The following METTL15 variants were observed in gnomAD, a reference collection of about 807,000 sequenced individuals.
METTL15 encodes 12S rRNA N(4)-cytidine methyltransferase METTL15.
In METTL15, 34 loss-of-function variants were observed where a neutral mutation model predicts 38.3. The ratio of observed to expected loss-of-function variants is 0.89; its 90% CI spans 0.68 to 1.18. The LOEUF is 1.18. METTL15 is among the 50% of genes most tolerant of loss of function. METTL15 has a pLI of 0.00. For missense variants in METTL15, 438 were observed against 498.4 expected, an observed-to-expected ratio of 0.88 and a Z score of 1.15; for synonymous variants, 162 against 170.9, an observed-to-expected ratio of 0.95 and a Z score of 0.41.
intron 5 of METTL15, among the ~76,000 whole-genome samples, chr11:28,391,547 C>T (rs1386139094): frequency 1.3e-5 from 2 of 152,242 alleles, no homozygotes; most frequent in Middle Eastern, 6.8e-3. Context: ...AGGCATCACG[C>T]TACCTGACTT....
At chr11:28,525,957 G>A (rs936346586) in intron 6 of METTL15, among the ~76,000 whole-genome samples, 31 of 152,224 alleles carry the variant, frequency 2.0e-4, no homozygotes, top group African/African-American at 7.2e-4. Flanking sequence ...AGGGGAGGCA[G>A]CTAAGGCCCG....
At chr11:28,173,610 A>G (rs879348093) in intron 3 of METTL15, among the ~76,000 whole-genome samples, 7 of 152,208 alleles carry the variant, frequency 4.6e-5, no homozygotes, top group Non-Finnish European at 7.3e-5. Context: ...ATTTGTTATA[A>G]TTATTGAACT....
At chr11:28,529,868 A>G (rs991391819), downstream of METTL15, among the ~76,000 whole-genome samples, 1 of 152,146 alleles carries the variant, frequency 6.6e-6, no homozygotes, top group African/African-American at 2.4e-5. Context: ...TTATGTTTCA[A>G]ATGTCCTCAT....
chr11:28,386,415 C>G (rs1850441373), intron 5 of METTL15, among the ~76,000 whole-genome samples: 1 of 151,574 alleles, frequency 6.6e-6, no homozygotes, highest in Non-Finnish European at 1.5e-5. Flanking sequence ...TAAAAGAGAA[C>G]AGGGTTGATC....
chr11:28,430,285 GC>G (rs1354954958), intron 6 of METTL15, among the ~76,000 whole-genome samples: 6 of 135,072 alleles, frequency 4.4e-5, no homozygotes, highest in African/African-American at 5.4e-5. Flanking sequence ...TGGGGGGTCA[GC>G]CCCCCCGCCC....
chr11:28,241,268 T>C (rs1265440256), intron 4 of METTL15, among the ~76,000 whole-genome samples: 1 of 152,128 alleles, frequency 6.6e-6, no homozygotes, highest in Admixed American at 6.5e-5. Flanking sequence ...GTGCAGTGGC[T>C]CATGACTGTA....
chr11:28,339,810 T>C (rs1849934230), intron 3 of METTL15, among the ~76,000 whole-genome samples: 1 of 152,060 alleles, frequency 6.6e-6, no homozygotes, highest in Admixed American at 6.6e-5. Flanking sequence ...AAAGAGGCAT[T>C]CTCAAGGAAT....
intron 3 of METTL15, among the ~76,000 whole-genome samples, chr11:28,194,355 T>C (rs1851830191): frequency 6.6e-6 from 1 of 151,664 alleles, no homozygotes; most frequent in Admixed American, 6.6e-5. Context: ...TCTGCCACCA[T>C]GTCTGGCTAA....
intron 3 of METTL15, among the ~76,000 whole-genome samples, chr11:28,175,617 A>G (rs180750499): frequency 2.0e-5 from 3 of 152,286 alleles, no homozygotes; most frequent in Admixed American, 2.0e-4. Flanking sequence ...TTAAACCTGC[A>G]TCTCCTCATA....
intron 6 of METTL15, among the ~76,000 whole-genome samples, chr11:28,300,905 T>C (rs975301113): frequency 2.6e-5 from 4 of 152,132 alleles, no homozygotes; most frequent in African/African-American, 4.8e-5. Flanking sequence ...AGAACTAGAT[T>C]CTTCATCACC....
At chr11:28,372,381 T>C (rs1291375571) in intron 5 of METTL15, among the ~76,000 whole-genome samples, 1 of 151,776 alleles carries the variant, frequency 6.6e-6, no homozygotes, top group African/African-American at 2.4e-5. Flanking sequence ...ATTTTCTTGG[T>C]TTTGTTGAGG....
At chr11:28,109,773 T>C (rs181493515) in intron 1 of METTL15, among the ~76,000 whole-genome samples, 115 of 152,356 alleles carry the variant, frequency 7.5e-4, no homozygotes, top group African/African-American at 2.7e-3. Context: ...TTTTCACACC[T>C]AATCCAAGTA....
chr11:28,368,529 T>C (rs994978319), intron 5 of METTL15, among the ~76,000 whole-genome samples: 3 of 152,078 alleles, frequency 2.0e-5, no homozygotes, highest in Non-Finnish European at 4.4e-5. Context: ...TGGGGAGAAA[T>C]AGGAACGCTT....
chr11:28,303,770 T>C (rs889078912), intron 6 of METTL15, among the ~76,000 whole-genome samples: 1 of 152,150 alleles, frequency 6.6e-6, no homozygotes, highest in African/African-American at 2.4e-5. Context: ...TCTTAGGTGT[T>C]ACTGAGGATA....
Position 28,467,617 on chromosome 11 carries a change from C to T in METTL15, c.*424+43253C>T, listed in dbSNP as rs746698861. Among the ~76,000 whole-genome samples the T allele has an allele frequency of 4.6e-5, 7 of 152,266 alleles. No homozygotes were observed. The South Asian group carries it at 1.2e-3, about 27-fold the overall frequency. Reference sequence around the variant, plus strand: ...CTCTGTAGCTATCTTGCCCTCTTCCCTCCCATTTGCCACTTGGATTTGGCT... The same window carrying T: ...CTCTGTAGCTATCTTGCCCTCTTCCTTCCCATTTGCCACTTGGATTTGGCT... On this transcript the variant is annotated intron_variant and NMD_transcript_variant, in intron 6 of 7. Coordinates refer to the METTL15 transcript ENST00000532947.
chr11:28,452,928 G>T (rs547256111), intron 6 of METTL15, among the ~76,000 whole-genome samples: 11 of 152,168 alleles, frequency 7.2e-5, no homozygotes, highest in African/African-American at 2.6e-4. Context: ...TTATACTTGT[G>T]GCCAGTTCTG....
intron 5 of METTL15, among the ~76,000 whole-genome samples, chr11:28,410,399 C>G (rs1010409664): frequency 6.6e-6 from 1 of 152,030 alleles, no homozygotes; most frequent in Non-Finnish European, 1.5e-5. Flanking sequence ...CTGAATTCAA[C>G]AACACATCAA....
intron 6 of METTL15, among the ~76,000 whole-genome samples, 190 bp downstream of exon 6, chr11:28,297,121 T>C (rs898910785): frequency 2.6e-5 from 4 of 152,050 alleles, no homozygotes; most frequent in Non-Finnish European, 4.4e-5. Flanking sequence ...TTTCTTTTGC[T>C]TTTGCATGCT....
At chr11:28,280,538 T>A (rs1471147806) in intron 4 of METTL15, among the ~76,000 whole-genome samples, 3 of 152,074 alleles carry the variant, frequency 2.0e-5, no homozygotes, top group African/African-American at 7.2e-5. Flanking sequence ...TAATCTGTGG[T>A]TTGCAATCTT....
Sources: allele counts gnomAD v4.1 joint callset (sites outside exome capture counted in the v4.1 genomes callset), GRCh38; gene constraint gnomAD v4.1.1; transcripts MANE v1.5; gene names NCBI Gene and HGNC (gene_info 2026-07-23, HGNC 2026-07-21).